FBXL4: variants seen among roughly 807,000 people sequenced by gnomAD.
The protein encoded by FBXL4 is F-box/LRR-repeat protein 4.
FBXL4 carries 40 observed loss-of-function variants against 58.9 expected under a neutral mutation model. The ratio of observed to expected loss-of-function variants is 0.68; its 90% confidence interval spans 0.53 to 0.88. The LOEUF (loss-of-function observed/expected upper bound fraction) is 0.88, where lower values mean the gene tolerates loss of function less well. FBXL4 is among the 40% of genes least tolerant of loss of function. The pLI is 0.00. For missense variants in FBXL4, 676 were observed against 734.4 expected (o/e 0.92, Z 0.92); for synonymous variants, 263 against 265.5 (o/e 0.99, Z 0.09).
intron 6 of FBXL4, among the ~76,000 whole-genome samples, chr6:98,900,487 G>GT (rs1771564954): frequency 6.6e-6 from 1 of 152,190 alleles, no homozygotes; most frequent in Non-Finnish European, 1.5e-5. Context: ...AAAAGATGGA[G>GT]TTTTTTGCAT....
chr6:98,888,599 T>G (rs1771118259), intron 7 of FBXL4, among the ~76,000 whole-genome samples: 1 of 152,214 alleles, frequency 6.6e-6, no homozygotes, highest in Non-Finnish European at 1.5e-5. Context: ...TTCTGCTGGT[T>G]AGGTCTCAAA....
chr6:98,884,167 T>C (rs901376275), intron 7 of FBXL4, among the ~76,000 whole-genome samples: 2 of 152,226 alleles, frequency 1.3e-5, no homozygotes, highest in Non-Finnish European at 2.9e-5. Flanking sequence ...TCAGGTAGCA[T>C]TGCTGTAAAT....
At chr6:98,878,874 G>T (rs1406624499) in intron 8 of FBXL4, among the ~76,000 whole-genome samples, 1 of 152,126 alleles carries the variant, frequency 6.6e-6, no homozygotes, top group Non-Finnish European at 1.5e-5. Flanking sequence ...GGTCCATCAA[G>T]AAGAGTCACT....
At chr6:98,906,450 C>T (rs1180439993) in intron 5 of FBXL4, among the ~76,000 whole-genome samples, 1 of 151,776 alleles carries the variant, frequency 6.6e-6, no homozygotes, top group Non-Finnish European at 1.5e-5. Flanking sequence ...TGTTAGTTTG[C>T]TGAGAATGAT....
intron 5 of FBXL4, among the ~76,000 whole-genome samples, chr6:98,911,938 G>A (rs556717294): frequency 6.6e-6 from 1 of 152,252 alleles, no homozygotes; most frequent in East Asian, 1.9e-4. Flanking sequence ...AAAAAATTTA[G>A]ACAAATGTAT....
chr6:98,884,251 T>C (rs574275800), intron 7 of FBXL4, among the ~76,000 whole-genome samples: 4 of 152,240 alleles, frequency 2.6e-5, no homozygotes, highest in African/African-American at 9.6e-5. Flanking sequence ...ATTGCATGCC[T>C]ACTATGTGTT....
At chr6:98,887,599 T>C (rs1222124910) in intron 7 of FBXL4, among the ~76,000 whole-genome samples, 1 of 152,232 alleles carries the variant, frequency 6.6e-6, no homozygotes, top group African/African-American at 2.4e-5. Context: ...AAAAATCATT[T>C]AATATTAGAA....
intron 1 of FBXL4, among the ~76,000 whole-genome samples, chr6:98,937,905 G>A (rs1007724961): frequency 2.0e-5 from 3 of 151,986 alleles, no homozygotes; most frequent in East Asian, 1.9e-4. Context: ...CTTCTTCCTC[G>A]TCATCTGGCA....
chr6:98,883,186 A>C (rs1008921511), intron 7 of FBXL4, among the ~76,000 whole-genome samples: 1 of 152,004 alleles, frequency 6.6e-6, no homozygotes, highest in African/African-American at 2.4e-5. Context: ...GTGAGACTGA[A>C]GATCTTTTCA....
chr6:98,911,890 G>C (rs942910971), intron 5 of FBXL4, among the ~76,000 whole-genome samples: 4 of 152,278 alleles, frequency 2.6e-5, no homozygotes, highest in South Asian at 2.1e-4. Context: ...GCTACAGGAG[G>C]AAATTCAAAC....
intron 7 of FBXL4, among the ~76,000 whole-genome samples, chr6:98,888,360 T>C (rs1771110980): frequency 6.6e-6 from 1 of 152,198 alleles, no homozygotes; most frequent in Non-Finnish European, 1.5e-5. Context: ...TACCTAGCCC[T>C]TCACAGAAAA....
chr6:98,913,376 T>C (rs1213268765), intron 5 of FBXL4, among the ~76,000 whole-genome samples: 2 of 152,056 alleles, frequency 1.3e-5, no homozygotes, highest in Admixed American at 1.3e-4. Context: ...AATATACATT[T>C]TTTTCAGCAC....
intron 6 of FBXL4, among the ~76,000 whole-genome samples, chr6:98,901,861 C>T (rs1311605972): frequency 6.6e-6 from 1 of 152,042 alleles, no homozygotes; most frequent in Non-Finnish European, 1.5e-5. Flanking sequence ...TGTTTACTTC[C>T]TGCAGTCAAT....
intron 7 of FBXL4, chr6:98,896,722 G>C (rs978635771): frequency 8.2e-6 from 7 of 858,364 alleles, no homozygotes; most frequent in Non-Finnish European, 7.0e-6. Flanking sequence ...AAATTTAATA[G>C]GAAGTAACAG....
At chr6:98,927,125 G>T in intron 3 of FBXL4, 65 bp from the exon 4 acceptor site, 1 of 765,122 alleles carries the variant, frequency 1.3e-6, no homozygotes, top group Non-Finnish European at 2.1e-6. Context: ...CATGGATAAG[G>T]TAATGAACAG....
chr6:98,941,623 G>C lies in FBXL4; in HGVS notation c.-309+6183C>G, dbSNP rs140759308. 5.2e-3 allele frequency among the ~76,000 whole-genome samples: 791 copies of C among 152,260 alleles called. 13 individuals carry two copies. Among genetic ancestry groups the C allele is most frequent in the African/African-American group, 0.018 (745 of 41,558 alleles). ...ATGTTCTGCCCACTTGTTCTGCCCA[G>C]GGCAAAGCCTGCTCACACAGCCCCA... On this transcript the variant is annotated intron_variant, in intron 1 of 9. Coordinates refer to ENST00000369244, the MANE Select transcript of FBXL4 (RefSeq NM_001278716.2).
At chr6:98,885,396 T>C (rs1283860489) in intron 7 of FBXL4, among the ~76,000 whole-genome samples, 1 of 151,996 alleles carries the variant, frequency 6.6e-6, no homozygotes, top group African/African-American at 2.4e-5. Flanking sequence ...CACTACGCCC[T>C]GCCAATTCTG....
chr6:98,899,925 T>G (rs1771544480), intron 6 of FBXL4, among the ~76,000 whole-genome samples: 1 of 152,152 alleles, frequency 6.6e-6, no homozygotes, highest in African/African-American at 2.4e-5. Context: ...AGTAACAACT[T>G]ATTTAAATAA....
At chr6:98,890,766 A>G (rs1384218699) in intron 7 of FBXL4, among the ~76,000 whole-genome samples, 1 of 152,130 alleles carries the variant, frequency 6.6e-6, no homozygotes, top group Non-Finnish European at 1.5e-5. Context: ...TAAAAGTATA[A>G]AAATCAGCCG....
Sources: allele counts gnomAD v4.1 joint callset (sites outside exome capture counted in the v4.1 genomes callset), GRCh38; gene constraint gnomAD v4.1.1; transcripts MANE v1.5; gene names NCBI Gene and HGNC (gene_info 2026-07-23, HGNC 2026-07-21).